Variants in STT3A observed in about 807,000 individuals in gnomAD.
STT3A encodes the protein STT3 oligosaccharyltransferase complex catalytic subunit A.
Under a neutral mutation model 89.2 loss-of-function variants are expected in STT3A, and 34 were observed. The ratio of observed to expected loss-of-function variants is 0.38; its 90% CI spans 0.29 to 0.51. STT3A has a LOEUF of 0.51. STT3A is among the 20% of genes least tolerant of loss of function. STT3A has a pLI of 0.89. For missense variants in STT3A, 555 were observed against 889.5 expected, an observed-to-expected ratio of 0.62 and a Z score of 4.78; for synonymous variants, 282 against 310.3, an observed-to-expected ratio of 0.91 and a Z score of 0.96.
intron 15 of STT3A, among the ~76,000 whole-genome samples, chr11:125,618,002 GT>G (rs1269604624): frequency 2.0e-5 from 3 of 151,922 alleles, no homozygotes; most frequent in Non-Finnish European, 4.4e-5. Flanking sequence ...TACTTACCTA[GT>G]GTGTATTTTA....
At chr11:125,608,532 G>T (rs1309909588) in intron 9 of STT3A, 3 of 339,260 alleles carry the variant, frequency 8.8e-6, no homozygotes, top group African/African-American at 4.3e-5. Context: ...CTCCATGTTT[G>T]TCAGGCTGGT....
At chr11:125,601,572 G>T (rs928303151) in intron 3 of STT3A, among the ~76,000 whole-genome samples, 2 of 151,938 alleles carry the variant, frequency 1.3e-5, no homozygotes, top group African/African-American at 4.8e-5. Context: ...GCAGTGAGCC[G>T]AGATCGTGCC....
At chr11:125,620,689 A>G (rs1362825274) in intron 17 of STT3A, 83 bp from the exon 18 acceptor site, 8 of 1,345,354 alleles carry the variant, frequency 5.9e-6, no homozygotes, top group Non-Finnish European at 8.5e-6. Context: ...AATCCTGCCC[A>G]CTCTGGGTGA....
At chr11:125,609,906 A>C in intron 10 of STT3A, 1 of 256,062 alleles carries the variant, frequency 3.9e-6, no homozygotes, top group African/African-American at 2.2e-5. Context: ...CTTCCCCTTT[A>C]CCCTTGTTTT....
rs1018288565 is a variant in STT3A at position 125,614,993 on chromosome 11, C to T, written c.1774+567C>T. 6.6e-6 allele frequency among the ~76,000 whole-genome samples: 1 copy of T among 152,042 alleles called. No homozygotes were observed. The highest frequency in any genetic ancestry group is 1.9e-4 in the East Asian group (1 of 5,184). On this transcript the variant is annotated intron_variant, in intron 15 of 17. Transcript: ENST00000392708. The surrounding 1 kb of genome is among the most constrained non-coding windows in gnomAD (Gnocchi z 4.9). ...ACACTTTAAAAAGTTAAGCAGTTCA[C>T]AGCCGGGTGTGGTGGCTCACACCTG... is the stretch of plus-strand genomic sequence containing the variant.
intron 15 of STT3A, 117 bp from the exon 16 acceptor site, chr11:125,618,250 ATTAGAG>A: frequency 2.2e-6 from 2 of 899,478 alleles, no homozygotes; most frequent in Non-Finnish European, 3.3e-6. Flanking sequence ...ATTTTTACAA[ATTAGAG>A]TTAAATGATA....
At position 125,620,099 on chromosome 11, in the gene STT3A, A is replaced by C; in HGVS notation, c.2052A>C (p.Thr684=). 6.2e-7 allele frequency: 1 copy of C among 1,614,150 alleles called. No individual in the cohort carries two copies. Among genetic ancestry groups the C allele is most frequent in the Non-Finnish European group, 8.5e-7 (1 of 1,180,010 alleles). ...ATGTCCTGGAGGAAGCATATACCAC[A>C]GAACATTGGCTGGTCAGGATATACA... The part of the protein sequence containing the change: ...ELDVLEEAYT[T]EHWLVRIYKV... Residue 684 remains threonine (T), a synonymous_variant, in exon 17 of 18, where the codon ACA becomes ACC. Coordinates refer to ENST00000392708, the MANE Select transcript of STT3A (RefSeq NM_152713.5).
upstream of STT3A, chr11:125,592,679 T>G (rs112169927): frequency 5.3e-5 from 19 of 356,052 alleles, no homozygotes; most frequent in East Asian, 1.3e-3. Flanking sequence ...CAGACCTGCC[T>G]CTAGACTGCT....
chr11:125,594,701 G>T (rs1294582539), intron 1 of STT3A, among the ~76,000 whole-genome samples: 1 of 150,736 alleles, frequency 6.6e-6, no homozygotes, highest in African/African-American at 2.4e-5. Context: ...TTTCCATTTT[G>T]AACTGCCTAC....
At chr11:125,606,155 T>C in intron 7 of STT3A, 146 bp from the exon 8 acceptor site, 1 of 735,454 alleles carries the variant, frequency 1.4e-6, no homozygotes, top group Non-Finnish European at 2.1e-6. Context: ...AAATCAGTTA[T>C]TTGAACTCTT....
rs1033843864 is a variant in STT3A, at chr11:125,614,500, G to A, written c.1774+74G>A. 7.3e-7 allele frequency: 1 copy of A among 1,367,020 alleles called. No individual in the cohort carries two copies. The highest frequency in any genetic ancestry group is 2.3e-5 in the East Asian group (1 of 43,188). The allele number at this position is 1,367,020 out of a possible 1,614,324, so 84.7% of individuals were successfully genotyped here. Reference sequence around the variant, plus strand: ...AACTAGATGAATATCCTAGTTTTCTGTACTTTTACTAATATTTTACTAAGA... The same window carrying A: ...AACTAGATGAATATCCTAGTTTTCTATACTTTTACTAATATTTTACTAAGA... On this transcript the variant is annotated intron_variant, in intron 15 of 17. Coordinates refer to ENST00000392708, the MANE Select transcript of STT3A (RefSeq NM_152713.5). The surrounding 1 kb of genome is among the most constrained non-coding windows in gnomAD (Gnocchi z 4.9).
At position 125,623,037 on chromosome 11, in the gene STT3A, C is replaced by G. The variant is rs145017977; in HGVS notation, c.*2227C>G. The G allele has an allele frequency of 1.9e-4, 26 of 134,950 alleles. No homozygotes were observed. Among genetic ancestry groups the G allele is most frequent in the African/African-American group, 7.5e-4 (26 of 34,848 alleles). The allele number at this position is 134,950 out of a possible 1,614,324, so 8.4% of individuals were successfully genotyped here. On this transcript the variant is annotated 3_prime_UTR_variant, in exon 18 of 18. Transcript: ENST00000392708. ...AGTGAGCAGACATCATGCCACTGCA[C>G]TCCAACCTGGGAGACAGAGCAAGAC...
rs150944291 is a variant in STT3A at position 125,611,660 on chromosome 11, G to T, written c.1209+141G>T. On this transcript the variant is annotated intron_variant, in intron 11 of 17. Transcript: ENST00000392708. The stretch of plus-strand genomic sequence containing the variant: ...TTGAGGGAATGAGTTGTAAGTTGTT[G>T]ATCCTTTCCAGGAACGTATGGGACA... The T allele has an allele frequency of 4.5e-3, 3,401 of 748,582 alleles. 13 individuals carry two copies. The highest frequency in any genetic ancestry group is 0.011 in the Middle Eastern group (34 of 3,216). 46.4% of individuals were successfully genotyped at this position (748,582 alleles called of 1,614,324 possible). A position where few individuals can be genotyped will look rare whatever the true frequency, so the allele number is the denominator to read the frequency against.
In STT3A at chr11:125,614,224, T is replaced by C. The variant is rs1940105364; in HGVS notation, c.1671+21T>C. ...GGCAGGTAAGATAAAGGGATGATCT[T>C]TGAGTGTTTGGTGTACAAGGTCTAA... On this transcript the variant is annotated intron_variant, in intron 14 of 17. Coordinates refer to ENST00000392708, the MANE Select transcript of STT3A (RefSeq NM_152713.5). This position sits in a 1 kb window ranked among gnomAD's most constrained non-coding sequence, Gnocchi z 4.9. 1 of 1,612,868 alleles carries C rather than the reference T, an allele frequency of 6.2e-7. No individual in the cohort carries two copies. The highest frequency in any genetic ancestry group is 2.2e-5 in the East Asian group (1 of 44,872).
intron 3 of STT3A, 68 bp downstream of exon 3, chr11:125,597,187 C>A: frequency 3.3e-6 from 5 of 1,520,908 alleles, no homozygotes; most frequent in South Asian, 2.2e-5. Context: ...GTTTCAGATT[C>A]AAATTTCAGT....
Position 125,620,879 on chromosome 11 carries a change from T to TC in STT3A, c.*69_*70insC, listed in dbSNP as rs2135952323. 7.0e-7 allele frequency: 1 copy of TC among 1,438,028 alleles called. No homozygotes were observed. The highest frequency in any genetic ancestry group is 9.4e-7 in the Non-Finnish European group (1 of 1,059,864). The allele number at this position is 1,438,028 out of a possible 1,614,324, so 89.1% of individuals were successfully genotyped here. A position where few individuals can be genotyped will look rare whatever the true frequency, so the allele number is the denominator to read the frequency against. ...ATTTAGGACGTTGAAGATTTTTTTTTTTTTTTTTTTTTAATATGCAGTTTG... is the reference window on the plus strand; with the variant it reads ...ATTTAGGACGTTGAAGATTTTTTTTTCTTTTTTTTTTTTAATATGCAGTTTG... On this transcript the variant is annotated 3_prime_UTR_variant, in exon 18 of 18. Transcript: ENST00000392708.
At position 125,601,692 on chromosome 11, in the gene STT3A, T is replaced by C. The variant is rs150572328; in HGVS notation, c.150-611T>C. 1.7e-4 allele frequency among the ~76,000 whole-genome samples: 26 copies of C among 152,264 alleles called. No individual in the cohort carries two copies. The South Asian group carries it at 1.9e-3, about 11-fold the overall frequency. On this transcript the variant is annotated intron_variant, in intron 3 of 17. Coordinates refer to ENST00000392708, the MANE Select transcript of STT3A (RefSeq NM_152713.5). ...CATCTCAGTGGCTTTGTCTTCATGG[T>C]GCTTGAATTCTCTGACTGGTCCTAA... is the stretch of plus-strand genomic sequence containing the variant.
Position 125,619,680 on chromosome 11 carries a change from T to G in STT3A, c.1964-331T>G, listed in dbSNP as rs556460539. Among the ~76,000 whole-genome samples, 3 of 152,306 alleles carry G rather than the reference T, an allele frequency of 2.0e-5. No individual in the cohort carries two copies. The South Asian group carries it at 6.2e-4, about 32-fold the overall frequency. Reference sequence around the variant, plus strand: ...TGCAGGTCTTTGACTTCTGGTAGGCTTTTTTCTCTGATCCATGCAAGGGTT... The same window carrying G: ...TGCAGGTCTTTGACTTCTGGTAGGCGTTTTTCTCTGATCCATGCAAGGGTT... On this transcript the variant is annotated intron_variant, in intron 16 of 17. Coordinates refer to ENST00000392708, the MANE Select transcript of STT3A (RefSeq NM_152713.5).
In STT3A at chr11:125,597,049, G is replaced by C; in HGVS notation, c.89-10G>C. 1 of 1,613,906 alleles carries C rather than the reference G, an allele frequency of 6.2e-7. No homozygotes were observed. The highest frequency in any genetic ancestry group is 8.5e-7 in the Non-Finnish European group (1 of 1,179,964). On this transcript the variant is annotated splice_polypyrimidine_tract_variant and intron_variant, in intron 2 of 17. Coordinates refer to ENST00000392708, the MANE Select transcript of STT3A (RefSeq NM_152713.5). ...TTACCAATAAAATATTAACTCTCTGGTTTTTGCAGCCTTCTCCACTCGTCT... is the reference window on the plus strand; with the variant it reads ...TTACCAATAAAATATTAACTCTCTGCTTTTTGCAGCCTTCTCCACTCGTCT...
Sources: allele counts gnomAD v4.1 joint callset (sites outside exome capture counted in the v4.1 genomes callset), GRCh38; gene constraint gnomAD v4.1.1; non-coding constraint Gnocchi (gnomAD v3.1); transcripts MANE v1.5; gene names NCBI Gene and HGNC (gene_info 2026-07-23, HGNC 2026-07-21).